Variants in SART1 observed in about 807,000 individuals in gnomAD.
SART1 encodes the protein U4/U6.U5 tri-snRNP-associated protein 1.
A neutral mutation model predicts 105.0 loss-of-function variants in SART1; 28 were observed. The observed-to-expected ratio is 0.27, with a 90% confidence interval of 0.20 to 0.37. The LOEUF is 0.37. Ranked by LOEUF, SART1 falls within the 10% of genes least tolerant of loss-of-function variation. The probability of loss-of-function intolerance (pLI) is 1.00; values close to 1 mark genes in which losing one functional copy is unlikely to be tolerated. For synonymous variants in SART1, 472 were observed against 462.9 expected, an observed-to-expected ratio of 1.02 and a Z score of -0.25; for missense variants, 894 against 1,106.5, an observed-to-expected ratio of 0.81 and a Z score of 2.72.
rs566956998 is a variant in SART1 at position 65,978,713 on chromosome 11, G to T, written c.2262+24G>T. On this transcript the variant is annotated intron_variant, in intron 18 of 19. Transcript: ENST00000312397. The surrounding 1 kb of genome is among the most constrained non-coding windows in gnomAD (Gnocchi z 6.8). ...CGGTGGGTGCCCTTGGGGATGTGGG[G>T]GGCCCTGTGCCTGCCGGGGCAGGGG... 9.3e-6 allele frequency: 15 copies of T among 1,613,440 alleles called. No homozygotes were observed. The African/African-American group carries it at 2.0e-4, about 22-fold the overall frequency.
rs766511006 is a variant in SART1, at chr11:65,977,672, G to T, written c.2036+19G>T. 2.5e-6 allele frequency: 4 copies of T among 1,613,818 alleles called. No individual in the cohort carries two copies. Among genetic ancestry groups the T allele is most frequent in the East Asian group, 2.2e-5 (1 of 44,828 alleles). ...ATAAGATGTGAGTGTGGTGGGGCCT[G>T]TGCAGGGCTGAGGGGCCTGTGCCAG... On this transcript the variant is annotated intron_variant, in intron 16 of 19. Coordinates refer to ENST00000312397, the MANE Select transcript of SART1 (RefSeq NM_005146.5).
rs113375330 is a variant in SART1, at chr11:65,976,499, C to T, written c.1677C>T (p.Phe559=). Residue 559 remains phenylalanine, a synonymous_variant, in exon 13 of 20, where the codon TTC becomes TTT. Transcript: ENST00000312397. The surrounding 1 kb of genome is among the most constrained non-coding windows in gnomAD (Gnocchi z 5.1). ...TCGTGTTCAACGCCACGTCCGAGTT[C>T]TGCCGCACCTTGGGGGAGATCCCCA... ...GAIVFNATSE[F]CRTLGEIPTY... 6.3e-7 allele frequency: 1 copy of T among 1,587,696 alleles called. No homozygotes were observed. The highest frequency in any genetic ancestry group is 1.3e-5 in the African/African-American group (1 of 74,388).
chr11:65,965,537 G>T, intron 5 of SART1, 90 bp downstream of exon 5: 1 of 1,403,228 alleles, frequency 7.1e-7, no homozygotes, highest in South Asian at 1.3e-5. Context: ...GAGGTGAGAC[G>T]GGGCTTGGAG....
rs150474893 is a variant in SART1 at position 65,978,992 on chromosome 11, G to A, written c.2385-20G>A. On this transcript the variant is annotated intron_variant, in intron 19 of 19. Coordinates refer to ENST00000312397, the MANE Select transcript of SART1 (RefSeq NM_005146.5). The surrounding 1 kb of genome is among the most constrained non-coding windows in gnomAD (Gnocchi z 6.8). ...CCTGTGCCCGCCTCTGCAGCCTCAC[G>A]CCCCTGTTCTTCTCTGCAGGAACAC... 10 of 1,613,930 alleles carry A rather than the reference G, an allele frequency of 6.2e-6. No individual in the cohort carries two copies. The highest frequency in any genetic ancestry group is 1.6e-4 in the Middle Eastern group (1 of 6,084).
Position 65,976,816 on chromosome 11 carries a change from A to G in SART1, c.1857+50A>G, listed in dbSNP as rs1855490823. The stretch of plus-strand genomic sequence containing the variant: ...GGGCGTTTGGGGGTGCTCAAGCTGG[A>G]GATGAGCACCGGGCTCGGTGTCCAG... On this transcript the variant is annotated intron_variant, in intron 14 of 19. Transcript: ENST00000312397. The surrounding 1 kb of genome is among the most constrained non-coding windows in gnomAD (Gnocchi z 5.1). The G allele has an allele frequency of 3.4e-6, 5 of 1,453,316 alleles. No individual in the cohort carries two copies. In the East Asian group the frequency reaches 1.2e-4, roughly 35 times the overall value. The allele number at this position is 1,453,316 out of a possible 1,614,324, so 90.0% of individuals were successfully genotyped here. A position where few individuals can be genotyped will look rare whatever the true frequency, so the allele number is the denominator to read the frequency against.
chr11:65,975,954 G>T (rs946145581), intron 12 of SART1, among the ~76,000 whole-genome samples: 2 of 152,136 alleles, frequency 1.3e-5, no homozygotes, highest in African/African-American at 4.8e-5. Context: ...AGCAGGAAGC[G>T]AGAAGCTGGG....
At chr11:65,964,180 C>T (rs1317458497) in intron 2 of SART1, 49 bp downstream of exon 2, 1 of 1,533,340 alleles carries the variant, frequency 6.5e-7, no homozygotes, top group Non-Finnish European at 9.0e-7. Context: ...AGAGAGGTGG[C>T]TCTGGGGCCA....
In SART1 at chr11:65,976,347, A is replaced by G; in HGVS notation, c.1573-48A>G. The G allele has an allele frequency of 6.8e-7, 1 of 1,469,260 alleles. No individual in the cohort carries two copies. The highest frequency in any genetic ancestry group is 9.0e-7 in the Non-Finnish European group (1 of 1,110,116). The allele number at this position is 1,469,260 out of a possible 1,614,324, so 91.0% of individuals were successfully genotyped here. ...CCTTAGGTTCCTGGGTCTCAATGGCATCACCCCAGAAACTGCTGGGTTTGC... is the reference window on the plus strand; with the variant it reads ...CCTTAGGTTCCTGGGTCTCAATGGCGTCACCCCAGAAACTGCTGGGTTTGC... On this transcript the variant is annotated intron_variant, in intron 12 of 19. Transcript: ENST00000312397. This position sits in a 1 kb window ranked among gnomAD's most constrained non-coding sequence, Gnocchi z 5.1.
At position 65,966,556 on chromosome 11, in the gene SART1, G is replaced by A. The variant is rs757331834; in HGVS notation, c.1188G>A (p.Met396Ile). 6.6e-7 allele frequency: 1 copy of A among 1,518,638 alleles called. No individual in the cohort carries two copies. The highest frequency in any genetic ancestry group is 8.8e-7 in the Non-Finnish European group (1 of 1,136,724). The allele number at this position is 1,518,638 out of a possible 1,614,324, so 94.1% of individuals were successfully genotyped here. A position where few individuals can be genotyped will look rare whatever the true frequency, so the allele number is the denominator to read the frequency against. The change falls in exon 9 of 20, where the codon ATG (methionine) becomes ATA (isoleucine). Residue 396 changes from methionine to isoleucine, a missense_variant and splice_region_variant. Coordinates refer to ENST00000312397, the MANE Select transcript of SART1 (RefSeq NM_005146.5). Reference sequence around the variant, plus strand: ...CCGAATACCTCACGCCTGAGGAGATGGTGAGCCCTCCCGTGCCTTATACTC... The same window carrying A: ...CCGAATACCTCACGCCTGAGGAGATAGTGAGCCCTCCCGTGCCTTATACTC... Reference protein sequence around the residue: ...LASEYLTPEEMVTFKKTKRRV... With the variant: ...LASEYLTPEEIVTFKKTKRRV...
At chr11:65,962,121 CGGGTCGGGCGG>C in intron 1 of SART1, 28 bp downstream of exon 1, 15 of 21,750 alleles carry the variant, frequency 6.9e-4, no homozygotes, top group East Asian at 3.0e-3. Flanking sequence ...GCGCAGGGGG[CGGGTCGGGCGG>C]GGGTCCCGGA....
intron 12 of SART1, among the ~76,000 whole-genome samples, chr11:65,970,635 G>T (rs1303621172): frequency 6.6e-6 from 1 of 151,710 alleles, no homozygotes; most frequent in East Asian, 2.0e-4. Context: ...TTTTTCCAGT[G>T]AAGAGGTGGC....
intron 12 of SART1, among the ~76,000 whole-genome samples, chr11:65,970,523 G>C (rs74736604): frequency 6.6e-6 from 1 of 152,012 alleles, no homozygotes; most frequent in Non-Finnish European, 1.5e-5. Context: ...AAGCCAGCTC[G>C]TGTCATCATT....
At position 65,967,481 on chromosome 11, in the gene SART1, C is replaced by T. The variant is rs753645237; in HGVS notation, c.1324C>T (p.Arg442Trp). 15 of 1,613,192 alleles carry T rather than the reference C, an allele frequency of 9.3e-6. No homozygotes were observed. Among genetic ancestry groups the T allele is most frequent in the South Asian group, 2.2e-5 (2 of 91,052 alleles). Residue 442 changes from arginine to tryptophan, a missense_variant, in exon 11 of 20, where the codon CGG (arginine) becomes TGG (tryptophan). Physicochemically the swap from Arg to Trp is moderately radical, Grantham distance 101. Coordinates refer to ENST00000312397, the MANE Select transcript of SART1 (RefSeq NM_005146.5). The stretch of plus-strand genomic sequence containing the variant: ...GCCTCCTTCCCTCAGACTGCGGGGA[C>T]GGGGTCGCCGCCGAGTGTCCGAAGT... ...DGDFGSRLRG[R>W]GRRRVSEVEE...
chr11:65,974,046 G>T (rs1442174319), intron 12 of SART1, among the ~76,000 whole-genome samples: 1 of 152,000 alleles, frequency 6.6e-6, no homozygotes, highest in East Asian at 1.9e-4. Context: ...GGACATGGGT[G>T]TGTGTTTAGT....
intron 12 of SART1, among the ~76,000 whole-genome samples, chr11:65,972,827 G>A (rs1021144474): frequency 6.6e-6 from 1 of 151,414 alleles, no homozygotes; most frequent in Non-Finnish European, 1.5e-5. Flanking sequence ...TTCCATGGGT[G>A]AGTTTCTTCA....
Position 65,976,488 on chromosome 11 carries a change from A to G in SART1, c.1666A>G (p.Thr556Ala). The G allele has an allele frequency of 6.3e-7, 1 of 1,580,170 alleles. No homozygotes were observed. The highest frequency in any genetic ancestry group is 8.6e-7 in the Non-Finnish European group (1 of 1,163,174). Residue 556 changes from threonine to alanine, a missense_variant, in exon 13 of 20, where the codon ACG (threonine) becomes GCG (alanine). Coordinates refer to ENST00000312397, the MANE Select transcript of SART1 (RefSeq NM_005146.5). The surrounding 1 kb of genome is among the most constrained non-coding windows in gnomAD (Gnocchi z 5.1). ...ERKGAIVFNA[T>A]SEFCRTLGEI... is the part of the protein sequence containing the mutation. The stretch of plus-strand genomic sequence containing the variant: ...GAAGGGGGCCATCGTGTTCAACGCC[A>G]CGTCCGAGTTCTGCCGCACCTTGGG...
At position 65,962,106 on chromosome 11, in the gene SART1, GGCC is replaced by G; in HGVS notation, c.313+14_313+16del. 7.4e-7 allele frequency: 1 copy of G among 1,360,302 alleles called. No homozygotes were observed. Among genetic ancestry groups the G allele is most frequent in the Non-Finnish European group, 9.6e-7 (1 of 1,038,100 alleles). 84.3% of individuals were successfully genotyped at this position (1,360,302 alleles called of 1,614,324 possible). On this transcript the variant is annotated intron_variant, in intron 1 of 19. Coordinates refer to ENST00000312397, the MANE Select transcript of SART1 (RefSeq NM_005146.5). The stretch of plus-strand genomic sequence containing the variant: ...GGCTACGAGGCCGGTGAGGAGGCGG[GGCC>G]TGCGCAGGGGGCGGGTCGGGCGGGG...
At chr11:65,977,194 C>A (rs897476695) in intron 15 of SART1, 93 bp downstream of exon 15, 9 of 888,482 alleles carry the variant, frequency 1.0e-5, no homozygotes, top group African/African-American at 9.8e-5. Context: ...CTGCCCCTTT[C>A]TCTCAGTCCC....
chr11:65,968,775 C>T (rs879678193), intron 12 of SART1, among the ~76,000 whole-genome samples: 5 of 152,146 alleles, frequency 3.3e-5, no homozygotes, highest in Middle Eastern at 3.4e-3. Flanking sequence ...TGAGGGGTGG[C>T]GTGAGCTGAG....
Sources: gnomAD v4.1 joint callset for allele counts (sites outside exome capture counted in the v4.1 genomes callset) on GRCh38, gnomAD v4.1.1 for gene constraint, Gnocchi (gnomAD v3.1) non-coding constraint, MANE v1.5 for transcripts, NCBI Gene and HGNC (gene_info 2026-07-23, HGNC 2026-07-21) for gene names.